The following CIT variants were observed in gnomAD, a reference collection of about 807,000 sequenced individuals.
CIT encodes citron rho-interacting serine/threonine kinase, also known as citron Rho-interacting kinase.
A neutral mutation model predicts 272.7 loss-of-function variants in CIT; 79 were observed. The observed-to-expected ratio is 0.29, with a 90% CI of 0.24 to 0.35. The LOEUF is 0.35. Ranked by LOEUF, CIT falls within the 10% of genes least tolerant of loss-of-function variation. CIT has a pLI of 1.00. For synonymous variants in CIT, 948 were observed against 995.6 expected (o/e 0.95, Z 0.90); for missense variants, 1,909 against 2,618.3 (o/e 0.73, Z 5.91).
At chr12:119,716,102 G>A (rs1175561419) in intron 32 of CIT, among the ~76,000 whole-genome samples, 1 of 152,012 alleles carries the variant, frequency 6.6e-6, no homozygotes, top group Non-Finnish European at 1.5e-5. Context: ...CTTGGGCTGG[G>A]CACAGTGGCT....
intron 2 of CIT, among the ~76,000 whole-genome samples, chr12:119,869,990 T>C (rs925096810): frequency 1.3e-5 from 2 of 152,178 alleles, no homozygotes; most frequent in African/African-American, 2.4e-5. Flanking sequence ...GACTCATTTA[T>C]ACTCACTGCC....
chr12:119,787,730 CAAAAAAAAA>C (rs61554565), intron 10 of CIT, among the ~76,000 whole-genome samples: 1 of 49,064 alleles, frequency 2.0e-5, no homozygotes, highest in East Asian at 6.9e-4. Flanking sequence ...GACTCCGTCT[CAAAAAAAAA>C]AAAAAAAAAA....
chr12:119,790,460 GAAT>G (rs1426170081), intron 10 of CIT, among the ~76,000 whole-genome samples: 47 of 152,170 alleles, frequency 3.1e-4, no homozygotes, highest in African/African-American at 1.0e-3. Flanking sequence ...GTTGACCATG[GAAT>G]GGGACAGAGT....
chr12:119,832,733 G>A (rs757338530), intron 7 of CIT, 38 bp downstream of exon 7: 1 of 1,513,648 alleles, frequency 6.6e-7, no homozygotes, highest in South Asian at 1.1e-5. Context: ...ATACTTTTTA[G>A]TATAAACTCT....
intron 10 of CIT, among the ~76,000 whole-genome samples, chr12:119,788,147 A>C (rs1964974713): frequency 6.6e-6 from 1 of 152,222 alleles, no homozygotes; most frequent in Non-Finnish European, 1.5e-5. Flanking sequence ...TCCAGAAATA[A>C]ATCTTTTTAA....
intron 23 of CIT, among the ~76,000 whole-genome samples, chr12:119,746,298 C>T (rs1042720217): frequency 2.6e-5 from 4 of 152,116 alleles, no homozygotes; most frequent in Non-Finnish European, 5.9e-5. Flanking sequence ...TTAACTCTAC[C>T]CTTCTAAAGC....
At chr12:119,722,929 C>A (rs1030603879) in intron 28 of CIT, among the ~76,000 whole-genome samples, 1 of 152,118 alleles carries the variant, frequency 6.6e-6, no homozygotes, top group Non-Finnish European at 1.5e-5. Flanking sequence ...GTGGCTCACA[C>A]CTGAAATCCC....
intron 3 of CIT, 138 bp downstream of exon 3, chr12:119,868,922 G>T: frequency 2.0e-6 from 2 of 1,011,734 alleles, no homozygotes; most frequent in Non-Finnish European, 2.9e-6. Context: ...GGTGCAGCCT[G>T]AATTTGAACC....
At chr12:119,767,579 G>A (rs749547212) in intron 18 of CIT, among the ~76,000 whole-genome samples, 2 of 152,188 alleles carry the variant, frequency 1.3e-5, no homozygotes, top group Non-Finnish European at 2.9e-5. Flanking sequence ...ATATGATTAT[G>A]ATTTTTAAAA....
Position 119,712,212 on chromosome 12 carries a change from C to A in CIT, c.4820G>T (p.Gly1607Val). Residue 1607 changes from glycine to valine, a missense_variant, in exon 37 of 48, where the codon GGG (glycine) becomes GTG (valine). Physicochemically the swap from Gly to Val is moderately radical, Grantham distance 109 (BLOSUM62 -3). Around this residue, in one of 8 missense-constraint regions of CIT, gnomAD observed 780 missense variants for 1,067.2 expected, o/e 0.73. Transcript: ENST00000392521. This position sits in a 1 kb window ranked among gnomAD's most constrained non-coding sequence, Gnocchi z 5.2. ...TTCTGCTTTTTCCCTAGAAACTCTCCCACCTGCGACAACTGATTCTAAGGC... is the reference window on the plus strand; with the variant it reads ...TTCTGCTTTTTCCCTAGAAACTCTCACACCTGCGACAACTGATTCTAAGGC... ...VTALESVVAG[G>V]RVSREKAEAD... is the part of the protein sequence containing the mutation. 2 of 1,608,012 alleles carry A rather than the reference C, an allele frequency of 1.2e-6. No homozygotes were observed. Among genetic ancestry groups the A allele is most frequent in the Non-Finnish European group, 1.7e-6 (2 of 1,177,030 alleles).
intron 12 of CIT, 137 bp from the exon 13 acceptor site, chr12:119,782,774 T>C (rs901978299): frequency 1.8e-6 from 2 of 1,081,270 alleles, no homozygotes; most frequent in African/African-American, 1.6e-5. Context: ...CAACTTCCAG[T>C]TGGTTGCCGA....
rs1217866948 is a variant in CIT at position 119,694,522 on chromosome 12, GGTTGCGTGTA to G, written c.5882+3127_5882+3136del. ...GCCACTTGTATTAAAAAGGAGGGGTGGTTGCGTGTAGTGGCTCACACCTGTAATCCCAGCA... is the reference window on the plus strand; with the variant it reads ...GCCACTTGTATTAAAAAGGAGGGGTGGTGGCTCACACCTGTAATCCCAGCA... On this transcript the variant is annotated intron_variant, in intron 46 of 47. Transcript: ENST00000392521. This position sits in a 1 kb window ranked among gnomAD's most constrained non-coding sequence, Gnocchi z 4.5. Among the ~76,000 whole-genome samples the G allele has an allele frequency of 6.6e-6, 1 of 152,186 alleles. No individual in the cohort carries two copies. The highest frequency in any genetic ancestry group is 1.5e-5 in the Non-Finnish European group (1 of 68,042).
chr12:119,803,614 T>C (rs1593808735), intron 9 of CIT: 1 of 384,734 alleles, frequency 2.6e-6, no homozygotes, highest in East Asian at 4.5e-5. Context: ...CCGCCTGGGG[T>C]AAACTGAAGA....
chr12:119,812,602 G>C (rs1001882592), intron 9 of CIT, among the ~76,000 whole-genome samples: 2 of 151,876 alleles, frequency 1.3e-5, no homozygotes, highest in Non-Finnish European at 1.5e-5. Context: ...ACCATACCCA[G>C]CTAGCTTTTT....
chr12:119,792,760 A>G (rs1395556660), intron 10 of CIT, among the ~76,000 whole-genome samples: 14 of 152,180 alleles, frequency 9.2e-5, no homozygotes, highest in Non-Finnish European at 2.9e-5. Flanking sequence ...GGCGTGGGCC[A>G]CCACATCTGG....
At chr12:119,714,476 C>G in intron 32 of CIT, 142 bp from the exon 33 acceptor site, 2 of 810,090 alleles carry the variant, frequency 2.5e-6, no homozygotes, top group Non-Finnish European at 3.7e-6. Flanking sequence ...ACATAAAGAA[C>G]TCTTACAACT....
chr12:119,836,148 A>T (rs1199436251), intron 5 of CIT, among the ~76,000 whole-genome samples: 2 of 151,662 alleles, frequency 1.3e-5, no homozygotes, highest in Non-Finnish European at 2.9e-5. Context: ...TTAGCTGGGC[A>T]TGGTGGTGCA....
intron 27 of CIT, among the ~76,000 whole-genome samples, chr12:119,729,249 T>TAA (rs546565253): frequency 6.6e-6 from 1 of 151,966 alleles, no homozygotes; most frequent in Non-Finnish European, 1.5e-5. Flanking sequence ...TCCTCATGCT[T>TAA]AAAAAAAATG....
At chr12:119,692,977 T>A (rs1249102794) in intron 46 of CIT, among the ~76,000 whole-genome samples, 1 of 152,116 alleles carries the variant, frequency 6.6e-6, no homozygotes, top group Non-Finnish European at 1.5e-5. Flanking sequence ...AACAAAAAAA[T>A]AAATTCCGAG....
Sources: gnomAD v4.1 joint callset for allele counts (sites outside exome capture counted in the v4.1 genomes callset) on GRCh38, gnomAD v4.1.1 for gene constraint, gnomAD v4.1.1 regional missense constraint, Gnocchi (gnomAD v3.1) non-coding constraint, MANE v1.5 for transcripts, NCBI Gene and HGNC (gene_info 2026-07-23, HGNC 2026-07-21) for gene names.